The following ADGRF3 variants were observed in gnomAD, a reference collection of about 807,000 sequenced individuals.
ADGRF3 encodes adhesion G protein-coupled receptor F3, also known as G protein-coupled receptor 113.
In ADGRF3, 85 loss-of-function variants were observed where a neutral mutation model predicts 93.2. The ratio of observed to expected loss-of-function variants is 0.91; its 90% confidence interval spans 0.77 to 1.09. ADGRF3 has a LOEUF of 1.09. ADGRF3 is among the 50% of genes least tolerant of loss of function. ADGRF3 has a pLI of 0.00. For synonymous variants in ADGRF3, 534 were observed against 532.5 expected, an observed-to-expected ratio of 1.00 and a Z score of -0.04; for missense variants, 1,125 against 1,246.2, an observed-to-expected ratio of 0.90 and a Z score of 1.46.
At position 26,338,757 on chromosome 2, in the gene ADGRF3, C is replaced by T. The variant is rs998008160; in HGVS notation, c.114+7364G>A. Among the ~76,000 whole-genome samples, 6 of 152,036 alleles carry T rather than the reference C, an allele frequency of 3.9e-5. No individual in the cohort carries two copies. The East Asian group carries it at 7.7e-4, about 20-fold the overall frequency. On this transcript the variant is annotated intron_variant, in intron 1 of 13. Coordinates refer to ENST00000651242, the MANE Select transcript of ADGRF3 (RefSeq NM_001321971.2). ...GATTATAAGCATGAGCCACCGTATC[C>T]GGCAGTCTTTTTCAGCTTTGTATCT...
intron 11 of ADGRF3, 33 bp from the exon 12 acceptor site, chr2:26,310,138 G>A: frequency 6.2e-7 from 1 of 1,614,020 alleles, no homozygotes; most frequent in East Asian, 2.2e-5. Context: ...GCTTATGCCA[G>A]CCACGGCCCC....
chr2:26,323,908 C>T (rs1449895188), intron 1 of ADGRF3, among the ~76,000 whole-genome samples: 1 of 151,368 alleles, frequency 6.6e-6, no homozygotes, highest in Admixed American at 6.6e-5. Flanking sequence ...GGATTACAAG[C>T]ATGAGCCACT....
intron 1 of ADGRF3, among the ~76,000 whole-genome samples, chr2:26,330,064 T>G (rs571271414): frequency 6.6e-6 from 1 of 152,354 alleles, no homozygotes; most frequent in South Asian, 2.1e-4. Flanking sequence ...TTAATGTTTC[T>G]TTTTTAGCAG....
chr2:26,324,991 T>C (rs1675364325), intron 1 of ADGRF3, among the ~76,000 whole-genome samples: 1 of 152,218 alleles, frequency 6.6e-6, no homozygotes, highest in Non-Finnish European at 1.5e-5. Context: ...CTGTTAATTT[T>C]TGGCTTTTTA....
In ADGRF3 at chr2:26,321,697, C is replaced by T. The variant is rs567161278; in HGVS notation, c.115-4135G>A. On this transcript the variant is annotated intron_variant, in intron 1 of 13. Coordinates refer to ENST00000651242, the MANE Select transcript of ADGRF3 (RefSeq NM_001321971.2). ...CATTAGAAAGCTAATAGAGGCTGGG[C>T]GCGGTGGCTCACACCTGTAATCCCA... is the stretch of plus-strand genomic sequence containing the variant. 4.6e-5 allele frequency among the ~76,000 whole-genome samples: 7 copies of T among 152,072 alleles called. No homozygotes were observed. The South Asian group carries it at 6.2e-4, about 14-fold the overall frequency.
rs1487910234 is a variant in ADGRF3, at chr2:26,336,048, T to TA, written c.114+10072dup. On this transcript the variant is annotated intron_variant, in intron 1 of 13. Coordinates refer to ENST00000651242, the MANE Select transcript of ADGRF3 (RefSeq NM_001321971.2). Reference sequence around the variant, plus strand: ...ATTTGGTCTTTACCTTCAAGGCACTTAGAGTCCAGTAAGACAGAAAAGAAT... The same window carrying TA: ...ATTTGGTCTTTACCTTCAAGGCACTTAAGAGTCCAGTAAGACAGAAAAGAAT... Among the ~76,000 whole-genome samples the TA allele has an allele frequency of 4.6e-5, 7 of 152,294 alleles. No homozygotes were observed. The East Asian group carries it at 1.3e-3, about 29-fold the overall frequency.
At chr2:26,316,225 C>T in intron 4 of ADGRF3, 50 bp downstream of exon 4, 1 of 1,517,178 alleles carries the variant, frequency 6.6e-7, no homozygotes, top group Non-Finnish European at 8.9e-7. Flanking sequence ...CCACTGAGAA[C>T]ATTTATTTCA....
At chr2:26,319,248 A>C in intron 1 of ADGRF3, 2 of 558,250 alleles carry the variant, frequency 3.6e-6, no homozygotes, top group South Asian at 4.9e-5. Context: ...CACATGCCCC[A>C]GTGAGAATGG....
rs762099837 is a variant in ADGRF3 at position 26,312,120 on chromosome 2, A to G, written c.1450-46T>C. The G allele has an allele frequency of 1.3e-5, 20 of 1,543,406 alleles. No homozygotes were observed. In the East Asian group the frequency reaches 4.5e-4, roughly 35 times the overall value. The stretch of plus-strand genomic sequence containing the variant: ...ATGAACCCCGTCTGCTGGCGCCCAC[A>G]GGACTGAGCCGGGGGCAATGAGAAC... On this transcript the variant is annotated intron_variant, in intron 9 of 13. Coordinates refer to ENST00000651242, the MANE Select transcript of ADGRF3 (RefSeq NM_001321971.2).
Position 26,309,101 on chromosome 2 carries a change from T to C in ADGRF3, c.3000A>G (p.Thr1000=). The C allele has an allele frequency of 6.2e-7, 1 of 1,614,076 alleles. No individual in the cohort carries two copies. Among genetic ancestry groups the C allele is most frequent in the Non-Finnish European group, 8.5e-7 (1 of 1,179,904 alleles). The change falls in exon 14 of 14, where the codon ACA becomes ACG. Residue 1000 remains threonine (T), a synonymous_variant. Transcript: ENST00000651242. ...SKGGSDTARK[T]DASE is the part of the protein sequence containing the mutation. ...CGTGTGTGGTTCACTCTGAAGCATC[T>C]GTCTTCCTGTGAAAGAGCTTGCGGC...
At chr2:26,342,247 G>A (rs764188195) in intron 1 of ADGRF3, among the ~76,000 whole-genome samples, 1 of 152,070 alleles carries the variant, frequency 6.6e-6, no homozygotes, top group Non-Finnish European at 1.5e-5. Flanking sequence ...TATACAATTG[G>A]AACAGCCATC....
chr2:26,336,179 G>A (rs1371846887), intron 1 of ADGRF3, among the ~76,000 whole-genome samples: 4 of 152,204 alleles, frequency 2.6e-5, no homozygotes. Flanking sequence ...GGCTTCTTGG[G>A]AGAAATGAAA....
rs1367394753 is a variant in ADGRF3 at position 26,309,543 on chromosome 2, T to A, written c.2976A>T (p.Gly992=). ...NEGCILEHSK[G]GSDTARKTDA... Reference sequence around the variant, plus strand: ...GTTCTCACCTGGCAGTGTCGCTTCCTCCTTTGCTGTGTTCCAAGATGCAGC... The same window carrying A: ...GTTCTCACCTGGCAGTGTCGCTTCCACCTTTGCTGTGTTCCAAGATGCAGC... The change falls in exon 13 of 14, where the codon GGA becomes GGT. Residue 992 remains glycine (G), a synonymous_variant. Coordinates refer to ENST00000651242, the MANE Select transcript of ADGRF3 (RefSeq NM_001321971.2). 6.2e-7 allele frequency: 1 copy of A among 1,612,726 alleles called. No individual in the cohort carries two copies. Among genetic ancestry groups the A allele is most frequent in the South Asian group, 1.1e-5 (1 of 90,572 alleles).
chr2:26,319,615 CT>C lies in ADGRF3; in HGVS notation c.115-2054del, dbSNP rs1358233395. Among the ~76,000 whole-genome samples, 24 of 56,038 alleles carry C rather than the reference CT, an allele frequency of 4.3e-4. 2 individuals are homozygous for C. The highest frequency in any genetic ancestry group is 7.7e-4 in the Non-Finnish European group (19 of 24,694). 36.8% of individuals were successfully genotyped at this position (56,038 alleles called of 152,430 possible). On this transcript the variant is annotated intron_variant, in intron 1 of 13. Transcript: ENST00000651242. ...CCTTCCTTCCTTCCTTCCTTCCTTC[CT>C]TTCTTTCTTTGTTTCTTTCTTTCTC...
intron 3 of ADGRF3, 134 bp downstream of exon 3, chr2:26,316,778 C>A: frequency 1.0e-6 from 1 of 976,008 alleles, no homozygotes; most frequent in South Asian, 1.8e-5. Flanking sequence ...AGGAGCTGGG[C>A]CACGGAGACA....
intron 1 of ADGRF3, among the ~76,000 whole-genome samples, chr2:26,319,423 TCAAA>T (rs1408008815): frequency 1.3e-5 from 2 of 152,068 alleles, no homozygotes; most frequent in African/African-American, 4.8e-5. Flanking sequence ...GAATCACTGA[TCAAA>T]CAGTCAAGGT....
intron 13 of ADGRF3, 50 bp downstream of exon 13, chr2:26,309,476 G>A (rs764626271): frequency 8.8e-6 from 14 of 1,592,120 alleles, no homozygotes; most frequent in South Asian, 5.7e-5. Flanking sequence ...TTGCCACACC[G>A]TCCTCAATCC....
In ADGRF3 at chr2:26,308,202, A is replaced by T. The variant is rs1402086936; in HGVS notation, c.*884T>A. On this transcript the variant is annotated 3_prime_UTR_variant, in exon 14 of 14. Coordinates refer to ENST00000651242, the MANE Select transcript of ADGRF3 (RefSeq NM_001321971.2). ...ATAGCATAACCATTTTTATTTTAACAGAAAATGCCCCCGTCCCATTTTATA... is the reference window on the plus strand; with the variant it reads ...ATAGCATAACCATTTTTATTTTAACTGAAAATGCCCCCGTCCCATTTTATA... 6.6e-6 allele frequency: 1 copy of T among 152,174 alleles called. No homozygotes were observed. The highest frequency in any genetic ancestry group is 1.9e-4 in the East Asian group (1 of 5,200). 9.4% of individuals were successfully genotyped at this position (152,174 alleles called of 1,614,324 possible). A position where few individuals can be genotyped will look rare whatever the true frequency, so the allele number is the denominator to read the frequency against.
intron 9 of ADGRF3, among the ~76,000 whole-genome samples, chr2:26,312,357 G>T (rs1558381414): frequency 6.6e-6 from 1 of 152,176 alleles, no homozygotes; most frequent in Non-Finnish European, 1.5e-5. Context: ...ATCCCTAGGG[G>T]CCACCCAGGT....
Sources: allele counts gnomAD v4.1 joint callset (sites outside exome capture counted in the v4.1 genomes callset), GRCh38; gene constraint gnomAD v4.1.1; transcripts MANE v1.5; gene names NCBI Gene and HGNC (gene_info 2026-07-23, HGNC 2026-07-21).